Variants in NEB observed in about 807,000 individuals in gnomAD.
NEB encodes the protein nebulin.
Under a neutral mutation model 952.2 loss-of-function variants are expected in NEB, and 512 were observed. That is an observed-to-expected ratio of 0.54 (90% CI 0.50 to 0.58). The LOEUF (loss-of-function observed/expected upper bound fraction) is 0.58. NEB is among the 20% of genes least tolerant of loss of function. NEB has a pLI of 0.00. For missense variants in NEB, 8,428 were observed against 9,231.1 expected (o/e 0.91, Z 3.56); for synonymous variants, 2,900 against 3,149.8 (o/e 0.92, Z 2.66).
chr2:151,578,820 T>C (rs1474525350), intron 105 of NEB, among the ~76,000 whole-genome samples: 2 of 151,534 alleles, frequency 1.3e-5, no homozygotes, highest in Non-Finnish European at 2.9e-5. Context: ...GGTGGCTCAC[T>C]TCTGTAATCC....
intron 64 of NEB, among the ~76,000 whole-genome samples, chr2:151,634,633 C>T (rs2098722536): frequency 6.6e-6 from 1 of 151,648 alleles, no homozygotes; most frequent in African/African-American, 2.4e-5. Flanking sequence ...CAGCAAGACT[C>T]CATCTCAAAA....
chr2:151,684,235 A>T (rs1480987189), intron 28 of NEB, among the ~76,000 whole-genome samples: 1 of 152,220 alleles, frequency 6.6e-6, no homozygotes, highest in Non-Finnish European at 1.5e-5. Context: ...GTCACATTTT[A>T]AAAAATAGAA....
chr2:151,552,350 T>C (rs1372693091), intron 128 of NEB, among the ~76,000 whole-genome samples: 3 of 152,186 alleles, frequency 2.0e-5, no homozygotes, highest in Non-Finnish European at 2.9e-5. Flanking sequence ...TATTCTACCA[T>C]AGCTGGTTCT....
chr2:151,715,212 T>C (rs1362195750), intron 10 of NEB, among the ~76,000 whole-genome samples: 1 of 152,232 alleles, frequency 6.6e-6, no homozygotes, highest in Non-Finnish European at 1.5e-5. Context: ...GCCACATTTT[T>C]AAATGTAGAA....
At chr2:151,674,291 A>G (rs1414683853) in intron 36 of NEB, among the ~76,000 whole-genome samples, 186 bp downstream of exon 36, 1 of 152,208 alleles carries the variant, frequency 6.6e-6, no homozygotes, top group Non-Finnish European at 1.5e-5. Flanking sequence ...AGCTCTACCA[A>G]GTGGGGTCAA....
In NEB at chr2:151,485,865, A is replaced by T; in HGVS notation, c.25473T>A (p.Asp8491Glu). The T allele has an allele frequency of 6.2e-7, 1 of 1,614,028 alleles. No individual in the cohort carries two copies. The highest frequency in any genetic ancestry group is 1.7e-4 in the Middle Eastern group (1 of 6,060). ...DADEVSFKDG[D>E]AIINVQAIDE... ...CAATTGCTTGAACATTTATGATGGC[A>T]TCTCCATCCTTGAAGGACACCTCAT... Residue 8491 changes from aspartate (D) to glutamate (E), a missense_variant, in exon 182 of 182, where the codon GAT becomes GAA. This residue lies in a region of NEB where 3,374 missense variants were observed against 3,651.5 expected (regional missense o/e 0.92). Coordinates refer to ENST00000397345, the MANE Select transcript of NEB (RefSeq NM_001164508.2).
intron 26 of NEB, 27 bp from the exon 27 acceptor site, chr2:151,687,559 C>G (rs762822050): frequency 6.2e-7 from 1 of 1,612,452 alleles, no homozygotes; most frequent in Non-Finnish European, 8.5e-7. Flanking sequence ...CATGCCAGAT[C>G]CCACTCACCA....
In NEB at chr2:151,633,766, C is replaced by A; in HGVS notation, c.9302G>T (p.Cys3101Phe). 6.2e-7 allele frequency: 1 copy of A among 1,613,968 alleles called. No individual in the cohort carries two copies. Among genetic ancestry groups the A allele is most frequent in the South Asian group, 1.1e-5 (1 of 91,072 alleles). Residue 3101 changes from cysteine to phenylalanine, a missense_variant, in exon 65 of 182, where the codon TGC becomes TTC. Physicochemically the swap from Cys to Phe is radical, Grantham distance 205. Transcript: ENST00000397345. ...GTCCACGTCACTGACTAAGGTCTGG[C>A]ACTTCTTGGCCAGCACCACCCCCAG... Reference protein sequence around the residue: ...DMLGVVLAKKCQTLVSDVDYK... With the variant: ...DMLGVVLAKKFQTLVSDVDYK...
At chr2:151,702,711 A>G (rs1377434510) in intron 13 of NEB, among the ~76,000 whole-genome samples, 1 of 151,250 alleles carries the variant, frequency 6.6e-6, no homozygotes, top group Non-Finnish European at 1.5e-5. Flanking sequence ...TTTGTTTTCC[A>G]TTTGCTTGGT....
intron 124 of NEB, among the ~76,000 whole-genome samples, chr2:151,557,446 G>A (rs2095734766): frequency 1.3e-5 from 2 of 152,168 alleles, no homozygotes; most frequent in African/African-American, 2.4e-5. Context: ...GGTACAAGGA[G>A]GAGCTGGTAC....
chr2:151,701,159 GA>G (rs2099658230), intron 13 of NEB, among the ~76,000 whole-genome samples: 1 of 65,342 alleles, frequency 1.5e-5, no homozygotes, highest in South Asian at 5.0e-4. Flanking sequence ...TTATATGCTG[GA>G]TTACATTTAT....
intron 71 of NEB, 22 bp downstream of exon 71, chr2:151,625,512 G>T: frequency 6.6e-7 from 1 of 1,525,874 alleles, no homozygotes; most frequent in South Asian, 1.2e-5. Context: ...CCAGACCAAA[G>T]AAATAAAACA....
At chr2:151,719,744 T>G (rs2099769071) in intron 9 of NEB, among the ~76,000 whole-genome samples, 1 of 152,056 alleles carries the variant, frequency 6.6e-6, no homozygotes, top group Non-Finnish European at 1.5e-5. Flanking sequence ...CCGGGTGTGG[T>G]GGTGTGCACC....
chr2:151,626,539 A>G (rs1014856814), intron 70 of NEB, among the ~76,000 whole-genome samples: 4 of 150,178 alleles, frequency 2.7e-5, no homozygotes, highest in Non-Finnish European at 5.9e-5. Flanking sequence ...TAGCTGTCCC[A>G]TTCTTTTTTT....
intron 13 of NEB, among the ~76,000 whole-genome samples, chr2:151,702,312 T>C (rs1466128461): frequency 1.3e-5 from 2 of 151,906 alleles, no homozygotes; most frequent in Non-Finnish European, 2.9e-5. Flanking sequence ...GGAATAGGTG[T>C]GGTGTGGTGC....
At chr2:151,651,135 G>C (rs1217346441) in intron 52 of NEB, among the ~76,000 whole-genome samples, 1 of 152,128 alleles carries the variant, frequency 6.6e-6, no homozygotes, top group Non-Finnish European at 1.5e-5. Flanking sequence ...AATGAGAGAA[G>C]TGTTGTCTAT....
At chr2:151,688,987 A>G (rs2099524466) in intron 24 of NEB, among the ~76,000 whole-genome samples, 1 of 152,102 alleles carries the variant, frequency 6.6e-6, no homozygotes. Context: ...AAATTATGGA[A>G]AGCAAAACCG....
At chr2:151,670,740 T>A (rs1300044881) in intron 38 of NEB, among the ~76,000 whole-genome samples, 1 of 152,214 alleles carries the variant, frequency 6.6e-6, no homozygotes, top group Admixed American at 6.5e-5. Flanking sequence ...ATAGTAATAA[T>A]GTTATTTCAT....
At chr2:151,507,742 G>A (rs567794299) in intron 162 of NEB, 53 of 390,762 alleles carry the variant, frequency 1.4e-4, no homozygotes, top group African/African-American at 1.0e-3. Context: ...TTTTCGCCAT[G>A]AACCTTGCCA....
Sources: gnomAD v4.1 joint callset for allele counts (sites outside exome capture counted in the v4.1 genomes callset) on GRCh38, gnomAD v4.1.1 for gene constraint, gnomAD v4.1.1 regional missense constraint, MANE v1.5 for transcripts, NCBI Gene and HGNC (gene_info 2026-07-23, HGNC 2026-07-21) for gene names.